Variants in CDIPT observed in about 807,000 individuals in gnomAD.
CDIPT encodes CDP-diacylglycerol--inositol 3-phosphatidyltransferase.
CDIPT carries 17 observed loss-of-function variants against 21.6 expected under a neutral mutation model. That is an observed-to-expected ratio of 0.79 (90% confidence interval 0.54 to 1.18). The LOEUF is 1.18. CDIPT is among the 50% of genes most tolerant of loss of function. CDIPT has a pLI of 0.00. For synonymous variants in CDIPT, 119 were observed against 117.9 expected (o/e 1.01, Z -0.06); for missense variants, 254 against 284.9 (o/e 0.89, Z 0.78).
chr16:29,862,603 G>A lies in CDIPT; in HGVS notation c.161C>T (p.Ala54Val). The A allele has an allele frequency of 3.2e-6, 5 of 1,585,830 alleles. No individual in the cohort carries two copies. Among genetic ancestry groups the A allele is most frequent in the Non-Finnish European group, 4.3e-6 (5 of 1,165,918 alleles). Reference protein sequence around the residue: ...GLLDAFDGHAARALNQGTRFG... With the variant: ...GLLDAFDGHAVRALNQGTRFG... ...TCTGTCACCTTGATTAAGAGCGCGA[G>A]CAGCGTGTCCATCGAAAGCGTCCAG... Residue 54 changes from alanine to valine, a missense_variant, in exon 2 of 6, where the codon GCT becomes GTT. Physicochemically the swap from Ala to Val is moderately conservative, Grantham distance 64. Transcript: ENST00000219789. This position sits in a 1 kb window ranked among gnomAD's most constrained non-coding sequence, Gnocchi z 6.7.
chr16:29,862,539 G>A lies in CDIPT; in HGVS notation c.178+47C>T, dbSNP rs767126124. The A allele has an allele frequency of 6.5e-6, 10 of 1,545,554 alleles. No individual in the cohort carries two copies. The highest frequency in any genetic ancestry group is 3.5e-6 in the Non-Finnish European group (4 of 1,142,344). On this transcript the variant is annotated intron_variant, in intron 2 of 5. Transcript: ENST00000219789. The surrounding 1 kb of genome is among the most constrained non-coding windows in gnomAD (Gnocchi z 6.7). Reference sequence around the variant, plus strand: ...GTCCCGAGGAGGCAGGGGAAGGGAGGAGGGGATTGTTGAACCCCAAGGCTG... The same window carrying A: ...GTCCCGAGGAGGCAGGGGAAGGGAGAAGGGGATTGTTGAACCCCAAGGCTG...
At position 29,862,685 on chromosome 16, in the gene CDIPT, A is replaced by T; in HGVS notation, c.79T>A (p.Tyr27Asn). 6.2e-7 allele frequency: 1 copy of T among 1,614,104 alleles called. No homozygotes were observed. The highest frequency in any genetic ancestry group is 1.1e-5 in the South Asian group (1 of 91,088). The change falls in exon 2 of 6, where the codon TAC (tyrosine) becomes AAC (asparagine). Residue 27 changes from tyrosine to asparagine, a missense_variant. Transcript: ENST00000219789. This position sits in a 1 kb window ranked among gnomAD's most constrained non-coding sequence, Gnocchi z 6.7. ...ARIVFAIISF[Y>N]FMPCCPLTAS... ...GTGAGGGGGCAGCAGGGCATGAAGT[A>T]GAAAGAAATGATGGCGAAGACAATC...
At position 29,861,410 on chromosome 16, in the gene CDIPT, G is replaced by A. The variant is rs1374726259; in HGVS notation, c.179-151C>T. 7 of 1,543,812 alleles carry A rather than the reference G, an allele frequency of 4.5e-6. No individual in the cohort carries two copies. In the Admixed American group the frequency reaches 1.4e-4, roughly 30 times the overall value. ...ACGCAGGCTAGAAAACAGGCTGTGTGTGAGGTCAGTGGGCAAAGGTCACCA... is the reference window on the plus strand; with the variant it reads ...ACGCAGGCTAGAAAACAGGCTGTGTATGAGGTCAGTGGGCAAAGGTCACCA... On this transcript the variant is annotated intron_variant, in intron 2 of 5. Coordinates refer to ENST00000219789, the MANE Select transcript of CDIPT (RefSeq NM_006319.5).
chr16:29,860,792 A>G (rs2067674306), intron 3 of CDIPT, 130 bp from the exon 4 acceptor site: 3 of 672,514 alleles, frequency 4.5e-6, no homozygotes, highest in African/African-American at 3.6e-5. Context: ...CGAAAGCCAC[A>G]GTTACCTATT....
chr16:29,860,639 C>T lies in CDIPT; in HGVS notation c.356G>A (p.Ser119Asn), dbSNP rs962985880. The T allele has an allele frequency of 3.1e-6, 5 of 1,612,240 alleles. No individual in the cohort carries two copies. The highest frequency in any genetic ancestry group is 4.2e-6 in the Non-Finnish European group (5 of 1,178,588). ...CCCGGACAAGTCGATCATCTTGTGA[C>T]TCTCACTGCCTCGGACCACAGAACT... ...LHSSVVRGSE[S>N]HKMIDLSGNP... The change falls in exon 4 of 6, where the codon AGT (serine) becomes AAT (asparagine). Residue 119 changes from serine (S) to asparagine (N), a missense_variant. Coordinates refer to ENST00000219789, the MANE Select transcript of CDIPT (RefSeq NM_006319.5).
chr16:29,861,067 T>C, intron 3 of CDIPT, 39 bp downstream of exon 3: 1 of 1,609,100 alleles, frequency 6.2e-7, no homozygotes, highest in Non-Finnish European at 8.5e-7. Context: ...CCCACTGTAA[T>C]GTCTCCAAGT....
At position 29,861,275 on chromosome 16, in the gene CDIPT, G is replaced by C. The variant is rs746676668; in HGVS notation, c.179-16C>G. The C allele has an allele frequency of 4.3e-6, 7 of 1,613,996 alleles. No homozygotes were observed. In the South Asian group the frequency reaches 5.5e-5, roughly 13 times the overall value. Reference sequence around the variant, plus strand: ...AACCGGGTTCCTGGAAGATTAGGTGGGCAAGGGCTGTTATGGCACAGTGGA... The same window carrying C: ...AACCGGGTTCCTGGAAGATTAGGTGCGCAAGGGCTGTTATGGCACAGTGGA... On this transcript the variant is annotated splice_polypyrimidine_tract_variant and intron_variant, in intron 2 of 5. Coordinates refer to ENST00000219789, the MANE Select transcript of CDIPT (RefSeq NM_006319.5).
At position 29,861,069 on chromosome 16, in the gene CDIPT, T is replaced by C. The variant is rs774106962; in HGVS notation, c.332+37A>G. On this transcript the variant is annotated intron_variant, in intron 3 of 5. Coordinates refer to ENST00000219789, the MANE Select transcript of CDIPT (RefSeq NM_006319.5). ...AGGCTCAGCCCACCCCACTGTAATG[T>C]CTCCAAGTGGCCCAGGCCCCCAGAA... is the stretch of plus-strand genomic sequence containing the variant. 6.8e-6 allele frequency: 11 copies of C among 1,610,166 alleles called. No individual in the cohort carries two copies. In the Admixed American group the frequency reaches 1.8e-4, roughly 27 times the overall value.
rs751939507 is a variant in CDIPT, at chr16:29,859,462, T to C, written c.476A>G (p.His159Arg). The change falls in exon 5 of 6, where the codon CAT becomes CGT. Residue 159 changes from histidine (H) to arginine (R), a missense_variant. Transcript: ENST00000219789. The surrounding 1 kb of genome is among the most constrained non-coding windows in gnomAD (Gnocchi z 4.5). The stretch of plus-strand genomic sequence containing the variant: ...CCTACCTAAAGGTCCCTCAGAGAAA[T>C]GGAACAGGTAGAGGAGGCAGTAGAA... ...ELFYCLLYLF[H>R]FSEGPLVGSV... The C allele has an allele frequency of 1.2e-6, 2 of 1,612,956 alleles. No individual in the cohort carries two copies. The highest frequency in any genetic ancestry group is 1.1e-5 in the South Asian group (1 of 90,982).
At chr16:29,861,352 GA>G in intron 2 of CDIPT, 93 bp from the exon 3 acceptor site, 1 of 1,568,232 alleles carries the variant, frequency 6.4e-7, no homozygotes, top group African/African-American at 1.4e-5. Flanking sequence ...GGGTGTAAAC[GA>G]AGACTGGAAG....
Position 29,859,497 on chromosome 16 carries a change from C to G in CDIPT, c.441G>C (p.Gly147=), listed in dbSNP as rs146897772. 356 of 1,613,282 alleles carry G rather than the reference C, an allele frequency of 2.2e-4. 1 individual carries two copies. The highest frequency in any genetic ancestry group is 2.9e-4 in the Non-Finnish European group (345 of 1,179,536). The part of the protein sequence containing the change: ...SRPALFTLCA[G]NELFYCLLYL... The stretch of plus-strand genomic sequence containing the variant: ...AGAGGAGGCAGTAGAAGAGCTCATT[C>G]CCAGCACACAAGGTGAACAGAGCAG... Residue 147 remains glycine, a synonymous_variant, in exon 5 of 6, where the codon GGG becomes GGC. Transcript: ENST00000219789. This position sits in a 1 kb window ranked among gnomAD's most constrained non-coding sequence, Gnocchi z 4.5.
Position 29,862,549 on chromosome 16 carries a change from T to C in CDIPT, c.178+37A>G, listed in dbSNP as rs1364795459. On this transcript the variant is annotated intron_variant, in intron 2 of 5. Transcript: ENST00000219789. The surrounding 1 kb of genome is among the most constrained non-coding windows in gnomAD (Gnocchi z 6.7). ...GGCAGGGGAAGGGAGGAGGGGATTGTTGAACCCCAAGGCTGGCTGAGAGGG... is the reference window on the plus strand; with the variant it reads ...GGCAGGGGAAGGGAGGAGGGGATTGCTGAACCCCAAGGCTGGCTGAGAGGG... The C allele has an allele frequency of 6.4e-7, 1 of 1,551,216 alleles. No homozygotes were observed. The highest frequency in any genetic ancestry group is 8.7e-7 in the Non-Finnish European group (1 of 1,146,648).
chr16:29,861,535 C>T (rs754631316), intron 2 of CDIPT: 1 of 1,527,806 alleles, frequency 6.5e-7, no homozygotes, highest in South Asian at 1.2e-5. Context: ...GACTCCAGGG[C>T]TAGATAGAGA....
intron 2 of CDIPT, chr16:29,861,542 G>A (rs1304912896): frequency 2.0e-6 from 3 of 1,520,154 alleles, no homozygotes; most frequent in Non-Finnish European, 2.6e-6. Flanking sequence ...GGGCTAGATA[G>A]AGACTTGATG....
At chr16:29,861,008 A>G (rs1156279302) in intron 3 of CDIPT, 98 bp downstream of exon 3, 3 of 1,228,762 alleles carry the variant, frequency 2.4e-6, no homozygotes, top group Admixed American at 3.6e-5. Context: ...GAGCCCTTCC[A>G]GGATGCCTAG....
chr16:29,860,782 C>A, intron 3 of CDIPT, 120 bp from the exon 4 acceptor site: 1 of 691,510 alleles, frequency 1.4e-6, no homozygotes, highest in South Asian at 1.6e-5. Context: ...AGTATCCTGC[C>A]GAAAGCCACA....
intron 3 of CDIPT, 197 bp from the exon 4 acceptor site, chr16:29,860,859 T>C (rs2067674778): frequency 9.7e-6 from 6 of 620,864 alleles, no homozygotes; most frequent in Non-Finnish European, 1.4e-5. Flanking sequence ...CCCCTTCCTA[T>C]AAGCTGTCAC....
rs537930538 is a variant in CDIPT, at chr16:29,860,008, A to T, written c.415-485T>A. ...TGACAGAGCAGGACTCTGTCTCAAA[A>T]AAATAAATAAATAAATAAATAAACC... On this transcript the variant is annotated intron_variant, in intron 4 of 5. Coordinates refer to ENST00000219789, the MANE Select transcript of CDIPT (RefSeq NM_006319.5). Among the ~76,000 whole-genome samples, 17 of 152,176 alleles carry T rather than the reference A, an allele frequency of 1.1e-4. No individual in the cohort carries two copies. In the East Asian group the frequency reaches 1.4e-3, roughly 12 times the overall value.
intron 4 of CDIPT, among the ~76,000 whole-genome samples, chr16:29,860,339 CCCTT>C (rs1368675554): frequency 6.6e-6 from 1 of 152,228 alleles, no homozygotes; most frequent in East Asian, 1.9e-4. Flanking sequence ...TGGCTTATCT[CCCTT>C]CCCGCTTTCA....
Sources: allele counts gnomAD v4.1 joint callset (sites outside exome capture counted in the v4.1 genomes callset), GRCh38; gene constraint gnomAD v4.1.1; non-coding constraint Gnocchi (gnomAD v3.1); transcripts MANE v1.5; gene names NCBI Gene and HGNC (gene_info 2026-07-23, HGNC 2026-07-21).